The following MFHAS1 variants were observed in gnomAD, a reference collection of about 807,000 sequenced individuals.
MFHAS1 encodes the protein multifunctional ROCO family signaling regulator 1.
Under a neutral mutation model 70.4 loss-of-function variants are expected in MFHAS1, and 50 were observed. The observed-to-expected ratio is 0.71, with a 90% CI of 0.57 to 0.90. The LOEUF (loss-of-function observed/expected upper bound fraction) is 0.90. Among genes scored for constraint, MFHAS1 ranks in the 40% least tolerant of loss-of-function variants. The probability of loss-of-function intolerance (pLI) is 0.00; values close to 1 mark genes in which losing one functional copy is unlikely to be tolerated. For synonymous variants in MFHAS1, 952 were observed against 620.0 expected, an observed-to-expected ratio of 1.54 and a Z score of -7.96; for missense variants, 1,795 against 1,347.6, an observed-to-expected ratio of 1.33 and a Z score of -5.20.
chr8:8,794,443 C>T (rs1805824978), intron 2 of MFHAS1, among the ~76,000 whole-genome samples: 2 of 152,136 alleles, frequency 1.3e-5, no homozygotes, highest in South Asian at 2.1e-4. Flanking sequence ...GAGCCTGGCC[C>T]GGCCTCCACA....
rs553234293 is a variant in MFHAS1, at chr8:8,830,028, T to A, written c.2999-32537A>T. Reference sequence around the variant, plus strand: ...GGTGTGGCCTGGGATTCTGCATTCCTAATATTCTCCCAGGGGAGGTCGAAG... The same window carrying A: ...GGTGTGGCCTGGGATTCTGCATTCCAAATATTCTCCCAGGGGAGGTCGAAG... On this transcript the variant is annotated intron_variant, in intron 1 of 2. Coordinates refer to ENST00000276282, the MANE Select transcript of MFHAS1 (RefSeq NM_004225.3). Among the ~76,000 whole-genome samples the A allele has an allele frequency of 1.1e-4, 16 of 152,274 alleles. No homozygotes were observed. In the South Asian group the frequency reaches 3.3e-3, roughly 32 times the overall value.
At chr8:8,819,772 C>T (rs1806885926) in intron 1 of MFHAS1, among the ~76,000 whole-genome samples, 1 of 152,138 alleles carries the variant, frequency 6.6e-6, no homozygotes, top group Non-Finnish European at 1.5e-5. Flanking sequence ...GATCACAGCT[C>T]ATTGCAGCCT....
At chr8:8,817,244 T>G (rs1806780687) in intron 1 of MFHAS1, among the ~76,000 whole-genome samples, 1 of 152,042 alleles carries the variant, frequency 6.6e-6, no homozygotes. Flanking sequence ...ATGAGAAAAT[T>G]TACCCTGGCT....
intron 1 of MFHAS1, among the ~76,000 whole-genome samples, chr8:8,829,274 G>A (rs1807279290): frequency 6.6e-6 from 1 of 152,192 alleles, no homozygotes; most frequent in Non-Finnish European, 1.5e-5. Flanking sequence ...CCCACCTGGA[G>A]GTCCTCTCCA....
At chr8:8,827,432 T>C (rs1327079330) in intron 1 of MFHAS1, among the ~76,000 whole-genome samples, 1 of 152,224 alleles carries the variant, frequency 6.6e-6, no homozygotes, top group East Asian at 1.9e-4. Flanking sequence ...AGGTGGGTAT[T>C]ATCAGACTTA....
chr8:8,869,638 C>T (rs1005648520), intron 1 of MFHAS1, among the ~76,000 whole-genome samples: 11 of 152,186 alleles, frequency 7.2e-5, no homozygotes, highest in Non-Finnish European at 1.3e-4. Flanking sequence ...AGCTAGCAGC[C>T]GTTCCACATC....
intron 1 of MFHAS1, among the ~76,000 whole-genome samples, chr8:8,875,839 G>T (rs569909250): frequency 2.0e-5 from 3 of 152,010 alleles, no homozygotes; most frequent in Non-Finnish European, 4.4e-5. Context: ...CGCCCGCCTC[G>T]GCCTCCCAAA....
intron 1 of MFHAS1, among the ~76,000 whole-genome samples, chr8:8,799,825 C>T (rs753142396): frequency 6.6e-6 from 1 of 152,174 alleles, no homozygotes; most frequent in East Asian, 1.9e-4. Flanking sequence ...ACACTGATAG[C>T]GCAGGCCCAT....
chr8:8,891,121 A>G lies in MFHAS1; in HGVS notation c.1938T>C (p.Ala646=). The change falls in exon 1 of 3, where the codon GCT becomes GCC. Residue 646 remains alanine, a synonymous_variant. Coordinates refer to ENST00000276282, the MANE Select transcript of MFHAS1 (RefSeq NM_004225.3). The surrounding 1 kb of genome is among the most constrained non-coding windows in gnomAD (Gnocchi z 5.4). ...AGTTGGGGAAGATCTCTCGGTGCTC[A>G]GCAACTGACAGCAACTTGTCCCGAA... is the stretch of plus-strand genomic sequence containing the variant. ...RRLRDKLLSV[A]EHREIFPNLH... is the part of the protein sequence containing the mutation. The G allele has an allele frequency of 6.2e-7, 1 of 1,613,850 alleles. No homozygotes were observed. The highest frequency in any genetic ancestry group is 8.5e-7 in the Non-Finnish European group (1 of 1,180,020).
At chr8:8,864,178 G>A (rs1393623699) in intron 1 of MFHAS1, among the ~76,000 whole-genome samples, 1 of 152,184 alleles carries the variant, frequency 6.6e-6, no homozygotes, top group Non-Finnish European at 1.5e-5. Context: ...GCAGTGATTG[G>A]CTTTCTGTGC....
Position 8,875,186 on chromosome 8 carries a change from G to C in MFHAS1, c.2998+14875C>G, listed in dbSNP as rs375200387. ...GCATTGAGATTTAATGACATTTTTT[G>C]CCTTTGACTCAATGACTCTACTTCG... On this transcript the variant is annotated intron_variant, in intron 1 of 2. Coordinates refer to ENST00000276282, the MANE Select transcript of MFHAS1 (RefSeq NM_004225.3). Among the ~76,000 whole-genome samples the C allele has an allele frequency of 2.6e-5, 4 of 152,170 alleles. No homozygotes were observed. The East Asian group carries it at 7.7e-4, about 29-fold the overall frequency.
At chr8:8,873,496 G>A (rs1266002862) in intron 1 of MFHAS1, among the ~76,000 whole-genome samples, 2 of 142,894 alleles carry the variant, frequency 1.4e-5, no homozygotes, top group Non-Finnish European at 3.0e-5. Flanking sequence ...TTTTTTTACA[G>A]GTCAAACACA....
In MFHAS1 at chr8:8,803,907, G is replaced by C. The variant is rs555562419; in HGVS notation, c.2999-6416C>G. On this transcript the variant is annotated intron_variant, in intron 1 of 2. Coordinates refer to ENST00000276282, the MANE Select transcript of MFHAS1 (RefSeq NM_004225.3). ...GAATCACTGGAATCCAGGAGGCAGA[G>C]GTTTCAGTAAGCCGAGACTGTGCCA... Among the ~76,000 whole-genome samples the C allele has an allele frequency of 2.2e-4, 33 of 152,238 alleles. No homozygotes were observed. The South Asian group carries it at 6.4e-3, about 30-fold the overall frequency.
chr8:8,844,704 C>G (rs1431341069), intron 1 of MFHAS1, among the ~76,000 whole-genome samples: 5 of 152,208 alleles, frequency 3.3e-5, no homozygotes, highest in Non-Finnish European at 5.9e-5. Context: ...CTTACATCTT[C>G]TCAAAGCTTA....
intron 1 of MFHAS1, among the ~76,000 whole-genome samples, chr8:8,862,489 A>G (rs1808704646): frequency 6.6e-6 from 1 of 151,994 alleles, no homozygotes; most frequent in African/African-American, 2.4e-5. Flanking sequence ...AAAGTTTTAA[A>G]TTTAGATTAA....
intron 1 of MFHAS1, among the ~76,000 whole-genome samples, chr8:8,841,320 C>A (rs1036962205): frequency 1.3e-5 from 2 of 151,916 alleles, no homozygotes; most frequent in African/African-American, 4.8e-5. Context: ...ACTAAAAATA[C>A]AAAAATGAGC....
rs1400181650 is a variant in MFHAS1, at chr8:8,785,026, A to G, written c.*996T>C. 2 of 152,208 alleles carry G rather than the reference A, an allele frequency of 1.3e-5. No homozygotes were observed. Among genetic ancestry groups the G allele is most frequent in the Non-Finnish European group, 2.9e-5 (2 of 68,030 alleles). The allele number at this position is 152,208 out of a possible 1,614,324, so 9.4% of individuals were successfully genotyped here. A position where few individuals can be genotyped will look rare whatever the true frequency, so the allele number is the denominator to read the frequency against. ...TCTGACAGCCAGATGTGGAAGGTCT[A>G]CAAAGAGCTCTGCTAATAAGTAATA... On this transcript the variant is annotated 3_prime_UTR_variant, in exon 3 of 3. Transcript: ENST00000276282.
intron 1 of MFHAS1, among the ~76,000 whole-genome samples, chr8:8,885,883 T>C (rs1809732880): frequency 1.3e-5 from 2 of 152,186 alleles, no homozygotes. Flanking sequence ...CTAATTTTTT[T>C]GTATTTTTTG....
chr8:8,814,109 T>C (rs941822909), intron 1 of MFHAS1, among the ~76,000 whole-genome samples: 1 of 152,138 alleles, frequency 6.6e-6, no homozygotes, highest in African/African-American at 2.4e-5. Context: ...AGCTAATTTT[T>C]GTATTTTTAG....
Sources: gnomAD v4.1 joint callset for allele counts (sites outside exome capture counted in the v4.1 genomes callset) on GRCh38, gnomAD v4.1.1 for gene constraint, Gnocchi (gnomAD v3.1) non-coding constraint, MANE v1.5 for transcripts, NCBI Gene and HGNC (gene_info 2026-07-23, HGNC 2026-07-21) for gene names.